Variants in ABCC4 observed in about 807,000 individuals in gnomAD.
ABCC4 encodes ATP-binding cassette sub-family C member 4.
Under a neutral mutation model 168.5 loss-of-function variants are expected in ABCC4, and 102 were observed. The ratio of observed to expected loss-of-function variants is 0.61; its 90% confidence interval spans 0.52 to 0.71. The LOEUF (loss-of-function observed/expected upper bound fraction) is 0.71. ABCC4 is among the 30% of genes least tolerant of loss of function. The pLI is 0.00. For synonymous variants in ABCC4, 617 were observed against 590.7 expected (o/e 1.04, Z -0.65); for missense variants, 1,402 against 1,605.8 (o/e 0.87, Z 2.17).
intron 30 of ABCC4, among the ~76,000 whole-genome samples, chr13:95,033,045 C>T (rs1466327146): frequency 6.8e-6 from 1 of 146,524 alleles, no homozygotes; most frequent in Non-Finnish European, 1.5e-5. Context: ...TCTTGGCTCA[C>T]TGCAACCTCC....
At chr13:95,247,592 C>T (rs1284587578) in intron 2 of ABCC4, 51 bp downstream of exon 2, 6 of 1,452,278 alleles carry the variant, frequency 4.1e-6, no homozygotes, top group Non-Finnish European at 5.8e-6. Flanking sequence ...CCACTCCCCA[C>T]ACACAGACAC....
In ABCC4 at chr13:95,126,936, T is replaced by C. The variant is rs567466966; in HGVS notation, c.2456-10935A>G. Among the ~76,000 whole-genome samples the C allele has an allele frequency of 2.0e-4, 30 of 150,708 alleles. 1 individual carries two copies. The highest frequency in any genetic ancestry group is 3.5e-3 in the Middle Eastern group (1 of 286). On this transcript the variant is annotated intron_variant, in intron 19 of 30. Coordinates refer to ENST00000645237, the MANE Select transcript of ABCC4 (RefSeq NM_005845.5). ...AAAGCTAGGGGGGAAATTTAACCAT[T>C]GAATTTCTTCTTTAAAAATTCAGAT...
intron 1 of ABCC4, among the ~76,000 whole-genome samples, chr13:95,272,193 C>T (rs1374039183): frequency 2.0e-5 from 3 of 152,066 alleles, no homozygotes; most frequent in Admixed American, 6.5e-5. Flanking sequence ...TACAGGCACC[C>T]GCCAGCACAC....
At chr13:95,273,687 C>T (rs2040898363) in intron 1 of ABCC4, among the ~76,000 whole-genome samples, 2 of 152,020 alleles carry the variant, frequency 1.3e-5, no homozygotes, top group African/African-American at 4.8e-5. Context: ...CTTGTAGCTC[C>T]CACAGTTCCC....
intron 30 of ABCC4, among the ~76,000 whole-genome samples, chr13:95,025,206 ACACCCC>A (rs2031367478): frequency 2.4e-5 from 1 of 41,074 alleles, no homozygotes; most frequent in African/African-American, 1.3e-4. Flanking sequence ...ACACACCCCC[ACACCCC>A]CCACACACCC....
In ABCC4 at chr13:95,131,074, A is replaced by G. The variant is rs576965996; in HGVS notation, c.2456-15073T>C. On this transcript the variant is annotated intron_variant, in intron 19 of 30. Transcript: ENST00000645237. ...ATAATATCCATTTATCTAAACTGCC[A>G]GCATGTAACAAAACTCAGGTGGGGT... is the stretch of plus-strand genomic sequence containing the variant. Among the ~76,000 whole-genome samples the G allele has an allele frequency of 3.9e-5, 6 of 152,298 alleles. No individual in the cohort carries two copies. In the East Asian group the frequency reaches 1.2e-3, roughly 29 times the overall value.
intron 20 of ABCC4, among the ~76,000 whole-genome samples, chr13:95,083,646 T>C (rs2034171453): frequency 6.6e-6 from 1 of 151,904 alleles, no homozygotes; most frequent in African/African-American, 2.4e-5. Context: ...CCTGCCTCAG[T>C]TTCCTGAGTA....
intron 30 of ABCC4, among the ~76,000 whole-genome samples, chr13:95,029,734 T>C (rs1022414281): frequency 1.3e-5 from 2 of 152,256 alleles, no homozygotes; most frequent in African/African-American, 4.8e-5. Context: ...TTATAACCAA[T>C]AGCTAGAATT....
intron 21 of ABCC4, among the ~76,000 whole-genome samples, chr13:95,081,222 A>T (rs1338944022): frequency 6.7e-6 from 1 of 150,300 alleles, no homozygotes; most frequent in East Asian, 1.9e-4. Context: ...AATTCAAGAG[A>T]GAAAATCCTA....
intron 30 of ABCC4, among the ~76,000 whole-genome samples, chr13:95,024,963 G>A (rs1384007605): frequency 1.3e-5 from 2 of 151,982 alleles, no homozygotes; most frequent in African/African-American, 2.4e-5. Context: ...CTGAGAAGAT[G>A]TCTATGAAGA....
chr13:95,244,903 C>T (rs1432595058), intron 3 of ABCC4, among the ~76,000 whole-genome samples: 3 of 100,260 alleles, frequency 3.0e-5, no homozygotes, highest in African/African-American at 9.6e-5. Flanking sequence ...ATAACCACCC[C>T]GCTAAAAGAC....
intron 20 of ABCC4, among the ~76,000 whole-genome samples, chr13:95,110,127 C>T (rs952789967): frequency 1.3e-5 from 2 of 151,866 alleles, no homozygotes; most frequent in African/African-American, 4.8e-5. Flanking sequence ...TGGCCAACAT[C>T]GTGAAACCCC....
chr13:95,277,163 C>T (rs1245769085), intron 1 of ABCC4, among the ~76,000 whole-genome samples: 1 of 152,092 alleles, frequency 6.6e-6, no homozygotes, highest in Non-Finnish European at 1.5e-5. Flanking sequence ...TAAGCACCCA[C>T]CACTAACAGG....
At chr13:95,113,982 C>G (rs758532563) in intron 20 of ABCC4, among the ~76,000 whole-genome samples, 4 of 152,114 alleles carry the variant, frequency 2.6e-5, no homozygotes, top group Non-Finnish European at 5.9e-5. Flanking sequence ...ATTAAAGACA[C>G]CTGCAAACAA....
At chr13:95,070,018 G>A (rs1256114788) in intron 25 of ABCC4, among the ~76,000 whole-genome samples, 2 of 152,102 alleles carry the variant, frequency 1.3e-5, no homozygotes, top group African/African-American at 2.4e-5. Flanking sequence ...TAAGGTGGGC[G>A]GATCACTTTA....
intron 30 of ABCC4, among the ~76,000 whole-genome samples, chr13:95,032,644 G>A (rs564674954): frequency 1.4e-5 from 2 of 147,788 alleles, no homozygotes; most frequent in Non-Finnish European, 3.0e-5. Context: ...CATTAGATAT[G>A]GGAACATATT....
At chr13:95,179,387 T>C (rs61965905) in intron 11 of ABCC4, among the ~76,000 whole-genome samples, 22,445 of 152,142 alleles carry the variant, frequency 0.15, 1,695 homozygotes, top group Non-Finnish European at 0.17. Flanking sequence ...CACAGACTGG[T>C]TGCACTAAGT....
At chr13:95,281,368 G>C (rs2041122765) in intron 1 of ABCC4, among the ~76,000 whole-genome samples, 1 of 148,132 alleles carries the variant, frequency 6.8e-6, no homozygotes, top group South Asian at 2.1e-4. Context: ...GATTCTGCCT[G>C]AAAGAACAGA....
At chr13:95,053,052 A>G (rs1370005473) in intron 27 of ABCC4, 43 bp downstream of exon 27, 1 of 1,530,782 alleles carries the variant, frequency 6.5e-7, no homozygotes, top group Admixed American at 1.7e-5. Flanking sequence ...ATATACACAT[A>G]CTGAGGCTAA....
Sources: gnomAD v4.1 joint callset for allele counts (sites outside exome capture counted in the v4.1 genomes callset) on GRCh38, gnomAD v4.1.1 for gene constraint, MANE v1.5 for transcripts, NCBI Gene and HGNC (gene_info 2026-07-23, HGNC 2026-07-21) for gene names.